The following LPP variants were observed in gnomAD, a reference collection of about 807,000 sequenced individuals.
LPP encodes the protein lipoma-preferred partner.
Under a neutral mutation model 60.4 loss-of-function variants are expected in LPP, and 38 were observed. The ratio of observed to expected loss-of-function variants is 0.63; its 90% confidence interval spans 0.49 to 0.83. The LOEUF (loss-of-function observed/expected upper bound fraction) is 0.83. LPP is among the 40% of genes least tolerant of loss of function. The pLI is 0.00. For missense variants in LPP, 902 were observed against 783.6 expected (o/e 1.15, Z -1.80); for synonymous variants, 328 against 290.8 (o/e 1.13, Z -1.30).
intron 6 of LPP, among the ~76,000 whole-genome samples, chr3:188,603,349 G>GT (rs1417403701): frequency 2.4e-4 from 8 of 33,408 alleles, no homozygotes; most frequent in Middle Eastern, 0.029. Flanking sequence ...AGAATTTTGT[G>GT]GTTTTTTTTT....
intron 2 of LPP, among the ~76,000 whole-genome samples, chr3:188,324,658 G>T (rs565164478): frequency 6.6e-6 from 1 of 152,236 alleles, no homozygotes; most frequent in East Asian, 1.9e-4. Flanking sequence ...CCATTGCCAT[G>T]ACTATGGCAA....
intron 6 of LPP, among the ~76,000 whole-genome samples, chr3:188,583,161 G>T (rs34094275): frequency 0.15 from 22,636 of 152,184 alleles, 2,025 homozygotes; most frequent in Non-Finnish European, 0.2. Flanking sequence ...TGTGATCTTG[G>T]ACAAAATAAC....
chr3:188,774,871 T>TA (rs1165077307), intron 9 of LPP, among the ~76,000 whole-genome samples: 1 of 152,154 alleles, frequency 6.6e-6, no homozygotes, highest in Non-Finnish European at 1.5e-5. Flanking sequence ...AGGCCCCATA[T>TA]ACACATACTA....
chr3:188,437,566 C>CT (rs1792648866), intron 4 of LPP, among the ~76,000 whole-genome samples: 1 of 152,288 alleles, frequency 6.6e-6, no homozygotes, highest in African/African-American at 2.4e-5. Flanking sequence ...CTCTTTTAGT[C>CT]TTTGCCAATA....
rs201325987 is a variant in LPP at position 188,521,528 on chromosome 3, A to AC, written c.307-3136dup. Reference sequence around the variant, plus strand: ...AGACCTGATTAAATCCTGTCTCTTTACTAATACCCCAAGGGAACACTTAAT... The same window carrying AC: ...AGACCTGATTAAATCCTGTCTCTTTACCTAATACCCCAAGGGAACACTTAAT... On this transcript the variant is annotated intron_variant, in intron 5 of 11. Coordinates refer to ENST00000617246, the MANE Select transcript of LPP (RefSeq NM_001375462.1). 1.4e-4 allele frequency among the ~76,000 whole-genome samples: 21 copies of AC among 152,316 alleles called. No homozygotes were observed. In the East Asian group the frequency reaches 3.9e-3, roughly 28 times the overall value.
At chr3:188,549,991 C>T (rs1827664841) in intron 6 of LPP, among the ~76,000 whole-genome samples, 1 of 152,112 alleles carries the variant, frequency 6.6e-6, no homozygotes. Context: ...ATATTTTCAC[C>T]AGCAATTTGC....
At chr3:188,703,211 AAC>A (rs1424013010) in intron 7 of LPP, among the ~76,000 whole-genome samples, 2 of 152,238 alleles carry the variant, frequency 1.3e-5, no homozygotes, top group East Asian at 3.8e-4. Flanking sequence ...AAACAAAAAT[AAC>A]ACAAACTATT....
chr3:188,753,671 T>G (rs1728920288), intron 8 of LPP, among the ~76,000 whole-genome samples: 3 of 151,942 alleles, frequency 2.0e-5, no homozygotes, highest in East Asian at 1.9e-4. Context: ...GACTAAGATG[T>G]TAAAATGTTT....
chr3:188,364,203 G>T (rs1444453906), intron 3 of LPP, among the ~76,000 whole-genome samples: 1 of 152,176 alleles, frequency 6.6e-6, no homozygotes, highest in Non-Finnish European at 1.5e-5. Flanking sequence ...GTTAATGTTA[G>T]CTATCTCCAT....
intron 5 of LPP, among the ~76,000 whole-genome samples, chr3:188,521,749 G>A: frequency 6.6e-6 from 1 of 152,072 alleles, no homozygotes; most frequent in Non-Finnish European, 1.5e-5. Context: ...GATAGAACAT[G>A]TGATATTCTC....
At chr3:188,685,412 G>A (rs1298556178) in intron 7 of LPP, among the ~76,000 whole-genome samples, 1 of 152,148 alleles carries the variant, frequency 6.6e-6, no homozygotes, top group African/African-American at 2.4e-5. Context: ...TGAGAGAAGA[G>A]CAAATGAACT....
intron 9 of LPP, among the ~76,000 whole-genome samples, chr3:188,853,756 A>T (rs1001169414): frequency 6.6e-6 from 1 of 152,102 alleles, no homozygotes. Flanking sequence ...TAAACATATC[A>T]TCTCTGTTAA....
At chr3:188,468,073 C>T (rs1023985599) in intron 4 of LPP, among the ~76,000 whole-genome samples, 1 of 152,136 alleles carries the variant, frequency 6.6e-6, no homozygotes, top group Non-Finnish European at 1.5e-5. Flanking sequence ...TTTGAAAAAT[C>T]ATTTTAGTCC....
At chr3:188,599,898 C>T (rs555329698) in intron 6 of LPP, among the ~76,000 whole-genome samples, 97 of 151,562 alleles carry the variant, frequency 6.4e-4, no homozygotes, top group Non-Finnish European at 1.1e-3. Context: ...ATTTTTATTT[C>T]GTGCATAATA....
At chr3:188,684,645 T>G (rs1445106644) in intron 7 of LPP, among the ~76,000 whole-genome samples, 1 of 152,158 alleles carries the variant, frequency 6.6e-6, no homozygotes, top group African/African-American at 2.4e-5. Flanking sequence ...ATTTAATTAC[T>G]TTTCAATATG....
At chr3:188,481,161 T>C (rs762248627) in intron 4 of LPP, among the ~76,000 whole-genome samples, 1 of 152,166 alleles carries the variant, frequency 6.6e-6, no homozygotes, top group Non-Finnish European at 1.5e-5. Context: ...TTATTAGCAG[T>C]TTTTCATTGA....
chr3:188,813,945 G>A (rs1159508006), intron 9 of LPP, among the ~76,000 whole-genome samples: 2 of 152,058 alleles, frequency 1.3e-5, no homozygotes, highest in Non-Finnish European at 1.5e-5. Context: ...GGTGGTGCAC[G>A]CCTGTAATCC....
chr3:188,156,936 C>A (rs1378486579), intron 1 of LPP, among the ~76,000 whole-genome samples: 2 of 151,582 alleles, frequency 1.3e-5, no homozygotes, highest in African/African-American at 4.9e-5. Flanking sequence ...GTACCATTGG[C>A]AAATATGAAA....
At chr3:188,856,392 A>T (rs916182892) in intron 9 of LPP, among the ~76,000 whole-genome samples, 1 of 152,184 alleles carries the variant, frequency 6.6e-6, no homozygotes, top group Non-Finnish European at 1.5e-5. Context: ...TATATTTTAT[A>T]CTTGTCTACT....
Sources: gnomAD v4.1 joint callset for allele counts (sites outside exome capture counted in the v4.1 genomes callset) on GRCh38, gnomAD v4.1.1 for gene constraint, MANE v1.5 for transcripts, NCBI Gene and HGNC (gene_info 2026-07-23, HGNC 2026-07-21) for gene names.